ACSM3: variants seen among roughly 807,000 people sequenced by gnomAD.
ACSM3 encodes the protein acyl-CoA synthetase medium chain family member 3, also known as acyl-coenzyme A synthetase ACSM3, mitochondrial.
A neutral mutation model predicts 74.1 loss-of-function variants in ACSM3; 61 were observed. That is an observed-to-expected ratio of 0.82 (90% CI 0.67 to 1.02). The LOEUF (loss-of-function observed/expected upper bound fraction) is 1.02. ACSM3 is among the 50% of genes least tolerant of loss of function. ACSM3 has a pLI of 0.00. For missense variants in ACSM3, 660 were observed against 697.0 expected, an observed-to-expected ratio of 0.95 and a Z score of 0.60; for synonymous variants, 213 against 241.5, an observed-to-expected ratio of 0.88 and a Z score of 1.09.
intron 2 of ACSM3, among the ~76,000 whole-genome samples, chr16:20,773,559 AT>A (rs2080219381): frequency 6.6e-6 from 1 of 151,960 alleles, no homozygotes; most frequent in Admixed American, 6.6e-5. Context: ...TTATGCTTCC[AT>A]TTTCATTATT....
At chr16:20,718,947 T>C (rs2079776355) in intron 1 of ACSM3, among the ~76,000 whole-genome samples, 2 of 152,218 alleles carry the variant, frequency 1.3e-5, no homozygotes, top group Non-Finnish European at 2.9e-5. Flanking sequence ...AGAACAGTGC[T>C]TAGCACATTT....
intron 1 of ACSM3, chr16:20,735,828 C>T (rs1297239690): frequency 6.6e-6 from 1 of 152,188 alleles, no homozygotes; most frequent in Admixed American, 6.5e-5. Flanking sequence ...TATGACATAT[C>T]ATCAGTAAAT....
chr16:20,675,420 T>G (rs1442068108), intron 1 of ACSM3, among the ~76,000 whole-genome samples: 1 of 152,130 alleles, frequency 6.6e-6, no homozygotes, highest in Non-Finnish European at 1.5e-5. Context: ...GCTTCACAGC[T>G]GCAGCAGTCT....
At chr16:20,742,514 G>A (rs1472432244) in intron 1 of ACSM3, among the ~76,000 whole-genome samples, 6 of 152,158 alleles carry the variant, frequency 3.9e-5, no homozygotes, top group South Asian at 2.1e-4. Context: ...GTGGTGGCGC[G>A]CACCTGTAGT....
chr16:20,789,308 C>T (rs924085198), intron 9 of ACSM3, among the ~76,000 whole-genome samples: 1 of 152,160 alleles, frequency 6.6e-6, no homozygotes, highest in Non-Finnish European at 1.5e-5. Context: ...CATAAAAATT[C>T]TAACCACATA....
intron 2 of ACSM3, among the ~76,000 whole-genome samples, chr16:20,750,595 T>C (rs1038778662): frequency 6.6e-6 from 1 of 152,200 alleles, no homozygotes; most frequent in African/African-American, 2.4e-5. Context: ...GACAGCCACC[T>C]AGGAAAATCC....
chr16:20,687,271 G>A (rs1326583296), intron 1 of ACSM3, among the ~76,000 whole-genome samples: 1 of 152,064 alleles, frequency 6.6e-6, no homozygotes, highest in Non-Finnish European at 1.5e-5. Context: ...AGGCACGTAG[G>A]GGAAAGAGAA....
At chr16:20,729,400 G>T in intron 1 of ACSM3, 1 of 1,084,678 alleles carries the variant, frequency 9.2e-7, no homozygotes, top group Non-Finnish European at 1.4e-6. Context: ...ATTGACAGGG[G>T]GGGAGCTCTC....
At chr16:20,748,143 AT>A in intron 1 of ACSM3, among the ~76,000 whole-genome samples, 2 of 25,562 alleles carry the variant, frequency 7.8e-5, no homozygotes, top group South Asian at 3.5e-3. Context: ...GTCTCAAAAA[AT>A]AAATAAATAA....
At chr16:20,690,858 G>T in intron 1 of ACSM3, 1 of 783,610 alleles carries the variant, frequency 1.3e-6, no homozygotes, top group Non-Finnish European at 1.9e-6. Flanking sequence ...ATAGAACCTT[G>T]AAATATAAGC....
chr16:20,717,975 G>GAAGAAC (rs2079770004), intron 1 of ACSM3, among the ~76,000 whole-genome samples: 1 of 115,544 alleles, frequency 8.7e-6, no homozygotes, highest in Non-Finnish European at 1.9e-5. Flanking sequence ...AGAAGAAGAA[G>GAAGAAC]AAGAAGAAGA....
chr16:20,695,622 A>C (rs547063687), intron 1 of ACSM3, among the ~76,000 whole-genome samples: 6 of 151,930 alleles, frequency 3.9e-5, no homozygotes, highest in African/African-American at 1.2e-4. Flanking sequence ...TCTATTACCT[A>C]TCTATTATGT....
intron 1 of ACSM3, among the ~76,000 whole-genome samples, chr16:20,715,495 T>C (rs1240370858): frequency 6.6e-6 from 1 of 152,062 alleles, no homozygotes; most frequent in Non-Finnish European, 1.5e-5. Flanking sequence ...TTCCAGCTAC[T>C]CAGACAGCTG....
chr16:20,733,691 T>A (rs1391324334), intron 1 of ACSM3: 1 of 152,130 alleles, frequency 6.6e-6, no homozygotes, highest in Non-Finnish European at 1.5e-5. Flanking sequence ...TATTTTGATT[T>A]TTCTGAAAAT....
At chr16:20,770,283 TTTC>T in intron 2 of ACSM3, 30 bp downstream of exon 2, 1 of 1,576,906 alleles carries the variant, frequency 6.3e-7, no homozygotes, top group Non-Finnish European at 8.7e-7. Context: ...CAGACCACAA[TTTC>T]TCAACTGGGA....
chr16:20,719,909 G>A (rs1212339619), intron 1 of ACSM3, among the ~76,000 whole-genome samples: 1 of 152,232 alleles, frequency 6.6e-6, no homozygotes, highest in Non-Finnish European at 1.5e-5. Flanking sequence ...GCTAGATTGA[G>A]ATATCAGATA....
chr16:20,777,017 G>A (rs1223401961), intron 3 of ACSM3, among the ~76,000 whole-genome samples: 1 of 151,988 alleles, frequency 6.6e-6, no homozygotes, highest in African/African-American at 2.4e-5. Context: ...TATGTTTTGG[G>A]GTTTTTTTGG....
intron 1 of ACSM3, chr16:20,734,951 T>C (rs2079856607): frequency 6.6e-6 from 1 of 152,136 alleles, no homozygotes; most frequent in Non-Finnish European, 1.5e-5. Context: ...GGAGAGAAAA[T>C]GCTATTTCAT....
chr16:20,739,008 A>G, intron 1 of ACSM3: 5 of 1,614,164 alleles, frequency 3.1e-6, no homozygotes, highest in Non-Finnish European at 4.2e-6. Flanking sequence ...TCTTTCTTCA[A>G]GGCAGCCTCC....
Sources: allele counts gnomAD v4.1 joint callset (sites outside exome capture counted in the v4.1 genomes callset), GRCh38; gene constraint gnomAD v4.1.1; transcripts MANE v1.5; gene names NCBI Gene and HGNC (gene_info 2026-07-23, HGNC 2026-07-21).